Variants in MGAT4A observed in about 807,000 individuals in gnomAD.
MGAT4A encodes alpha-1,3-mannosyl-glycoprotein 4-beta-N-acetylglucosaminyltransferase A.
A neutral mutation model predicts 74.1 loss-of-function variants in MGAT4A; 33 were observed. The ratio of observed to expected loss-of-function variants is 0.45; its 90% CI spans 0.34 to 0.60. The LOEUF is 0.60. Ranked by LOEUF, MGAT4A falls within the 20% of genes least tolerant of loss-of-function variation. The probability of loss-of-function intolerance (pLI) is 0.02; values close to 1 mark genes in which losing one functional copy is unlikely to be tolerated. For synonymous variants in MGAT4A, 198 were observed against 210.4 expected (o/e 0.94, Z 0.51); for missense variants, 479 against 628.3 (o/e 0.76, Z 2.54).
chr2:98,641,608 G>A (rs1238625620), intron 10 of MGAT4A, among the ~76,000 whole-genome samples: 5 of 151,186 alleles, frequency 3.3e-5, no homozygotes, highest in Non-Finnish European at 5.9e-5. Context: ...CACGGGAGGC[G>A]GAGCTTGCAG....
chr2:98,628,199 G>A (rs1482432684), intron 14 of MGAT4A, among the ~76,000 whole-genome samples: 3 of 152,160 alleles, frequency 2.0e-5, no homozygotes, highest in African/African-American at 7.2e-5. Flanking sequence ...CCAACCCTCA[G>A]TGTCTTCAAC....
At chr2:98,727,119 T>C (rs913699856) in intron 1 of MGAT4A, among the ~76,000 whole-genome samples, 7 of 152,202 alleles carry the variant, frequency 4.6e-5, no homozygotes, top group African/African-American at 1.7e-4. Flanking sequence ...TTTCACATAT[T>C]GTCATAAATT....
intron 4 of MGAT4A, among the ~76,000 whole-genome samples, chr2:98,665,202 G>A (rs1457430581): frequency 4.6e-5 from 7 of 151,814 alleles, no homozygotes; most frequent in African/African-American, 7.3e-5. Flanking sequence ...GGTAGCGGGC[G>A]CCTGTAGTCC....
chr2:98,661,417 A>C lies in MGAT4A; in HGVS notation c.537+1629T>G, dbSNP rs1701748515. Among the ~76,000 whole-genome samples the C allele has an allele frequency of 2.0e-5, 3 of 152,338 alleles. No individual in the cohort carries two copies. The South Asian group carries it at 6.2e-4, about 32-fold the overall frequency. On this transcript the variant is annotated intron_variant, in intron 5 of 15. Coordinates refer to ENST00000393487, the MANE Select transcript of MGAT4A (RefSeq NM_012214.3). ...GTTTGTAGAACTTAAAACTGGTGAG[A>C]GAAGCAGTTCATAAGCAAACAAACA...
At chr2:98,713,946 C>T (rs1013166236) in intron 2 of MGAT4A, among the ~76,000 whole-genome samples, 14 of 152,294 alleles carry the variant, frequency 9.2e-5, no homozygotes, top group African/African-American at 3.1e-4. Flanking sequence ...CTGTATATTA[C>T]AAGACTAAAT....
chr2:98,632,104 T>C (rs1473179423), intron 14 of MGAT4A, among the ~76,000 whole-genome samples: 1 of 148,692 alleles, frequency 6.7e-6, no homozygotes, highest in Non-Finnish European at 1.5e-5. Flanking sequence ...AGCGAGACTC[T>C]GTCTCCAATA....
In MGAT4A at chr2:98,678,514, A is replaced by T; in HGVS notation, c.95-43T>A. Reference sequence around the variant, plus strand: ...ACAGTTATAGTATATGTCTTAAAACAAATAAACAATATAATCTCAATGGAA... The same window carrying T: ...ACAGTTATAGTATATGTCTTAAAACTAATAAACAATATAATCTCAATGGAA... On this transcript the variant is annotated intron_variant, in intron 2 of 15. Coordinates refer to ENST00000393487, the MANE Select transcript of MGAT4A (RefSeq NM_012214.3). The T allele has an allele frequency of 3.1e-6, 4 of 1,302,752 alleles. No individual in the cohort carries two copies. In the African/African-American group the frequency reaches 5.9e-5, roughly 19 times the overall value. The allele number at this position is 1,302,752 out of a possible 1,614,324, so 80.7% of individuals were successfully genotyped here.
At chr2:98,652,137 AC>A (rs1559159832) in intron 8 of MGAT4A, among the ~76,000 whole-genome samples, 1 of 152,322 alleles carries the variant, frequency 6.6e-6, no homozygotes, top group Middle Eastern at 3.4e-3. Context: ...TCAATATTCT[AC>A]TTCAGTTATG....
At chr2:98,637,506 C>T (rs1358860911) in intron 12 of MGAT4A, among the ~76,000 whole-genome samples, 1 of 152,040 alleles carries the variant, frequency 6.6e-6, no homozygotes, top group Non-Finnish European at 1.5e-5. Context: ...ATCTAAAATA[C>T]TTTCTGGGTG....
At chr2:98,730,568 G>A (rs1467173933) in intron 1 of MGAT4A, among the ~76,000 whole-genome samples, 1 of 138,282 alleles carries the variant, frequency 7.2e-6, no homozygotes, top group Admixed American at 7.2e-5. Context: ...CGGCCCCCGC[G>A]AAAGCGCCGA....
rs1418715310 is a variant in MGAT4A, at chr2:98,619,412, G to A, written c.*6154C>T. The A allele has an allele frequency of 6.6e-6, 1 of 152,086 alleles. No individual in the cohort carries two copies. Among genetic ancestry groups the A allele is most frequent in the Non-Finnish European group, 1.5e-5 (1 of 68,010 alleles). 9.4% of individuals were successfully genotyped at this position (152,086 alleles called of 1,614,324 possible). A position where few individuals can be genotyped will look rare whatever the true frequency, so the allele number is the denominator to read the frequency against. Reference sequence around the variant, plus strand: ...AAAATCTGGTACAACCTGGCAAGGAGATTCCTCAGGCAGCTTCTCTAAGGG... The same window carrying A: ...AAAATCTGGTACAACCTGGCAAGGAAATTCCTCAGGCAGCTTCTCTAAGGG... On this transcript the variant is annotated 3_prime_UTR_variant, in exon 16 of 16. Coordinates refer to ENST00000393487, the MANE Select transcript of MGAT4A (RefSeq NM_012214.3).
chr2:98,634,389 C>T (rs117987024), intron 14 of MGAT4A, among the ~76,000 whole-genome samples: 1 of 151,850 alleles, frequency 6.6e-6, no homozygotes, highest in Non-Finnish European at 1.5e-5. Context: ...TGTGGCTGCC[C>T]GGAGAGTGTG....
intron 4 of MGAT4A, among the ~76,000 whole-genome samples, chr2:98,663,990 T>G (rs1248452053): frequency 6.6e-6 from 1 of 152,018 alleles, no homozygotes; most frequent in East Asian, 1.9e-4. Flanking sequence ...GTACACTGCT[T>G]GAGCTCAGGA....
At chr2:98,660,189 A>C (rs113602451) in intron 5 of MGAT4A, among the ~76,000 whole-genome samples, 2,274 of 152,044 alleles carry the variant, frequency 0.015, 10 homozygotes, top group African/African-American at 0.053. Flanking sequence ...AAAGAACTAG[A>C]CACCAAAAAT....
At chr2:98,689,008 T>C (rs1004031458) in intron 2 of MGAT4A, among the ~76,000 whole-genome samples, 1 of 152,140 alleles carries the variant, frequency 6.6e-6, no homozygotes, top group Non-Finnish European at 1.5e-5. Flanking sequence ...TAATTATTCA[T>C]CAATCATTCC....
At chr2:98,701,841 C>T (rs1029822862) in intron 2 of MGAT4A, among the ~76,000 whole-genome samples, 6 of 152,152 alleles carry the variant, frequency 3.9e-5, no homozygotes, top group Non-Finnish European at 8.8e-5. Flanking sequence ...ATGGCAAAAA[C>T]TTTCTTATGC....
At chr2:98,642,583 A>T (rs1383452608) in intron 10 of MGAT4A, among the ~76,000 whole-genome samples, 1 of 152,190 alleles carries the variant, frequency 6.6e-6, no homozygotes, top group East Asian at 1.9e-4. Context: ...CTCATTTTAG[A>T]ACCTAACCAC....
chr2:98,630,545 AGCTGGAG>A (rs1701215859), intron 14 of MGAT4A, among the ~76,000 whole-genome samples: 1 of 152,180 alleles, frequency 6.6e-6, no homozygotes. Flanking sequence ...GCACATCTTA[AGCTGGAG>A]GGTGGATACA....
At chr2:98,679,405 CAAA>C (rs753919040) in intron 2 of MGAT4A, among the ~76,000 whole-genome samples, 2 of 33,324 alleles carry the variant, frequency 6.0e-5, no homozygotes, top group African/African-American at 1.1e-4. Context: ...GACTCCGTCT[CAAA>C]AAAAAAAAAA....
Sources: gnomAD v4.1 joint callset for allele counts (sites outside exome capture counted in the v4.1 genomes callset) on GRCh38, gnomAD v4.1.1 for gene constraint, MANE v1.5 for transcripts, NCBI Gene and HGNC (gene_info 2026-07-23, HGNC 2026-07-21) for gene names.